The following GSR variants were observed in gnomAD, a reference collection of about 807,000 sequenced individuals.
GSR encodes glutathione-disulfide reductase.
GSR carries 48 observed loss-of-function variants against 56.5 expected under a neutral mutation model. That is an observed-to-expected ratio of 0.85 (90% confidence interval 0.67 to 1.08). The LOEUF (loss-of-function observed/expected upper bound fraction) is 1.08, where lower values mean the gene tolerates loss of function less well. Ranked by LOEUF, GSR falls within the 50% of genes least tolerant of loss-of-function variation. GSR has a pLI of 0.00. For synonymous variants in GSR, 264 were observed against 270.8 expected, an observed-to-expected ratio of 0.97 and a Z score of 0.25; for missense variants, 694 against 703.3, an observed-to-expected ratio of 0.99 and a Z score of 0.15.
Position 30,700,100 on chromosome 8 carries a change from GA to G in GSR, c.675del (p.Gln226SerfsTer34). 1 of 1,613,332 alleles carries G rather than the reference GA, an allele frequency of 6.2e-7. No homozygotes were observed. The highest frequency in any genetic ancestry group is 8.5e-7 in the Non-Finnish European group (1 of 1,179,334). ...GCTTACCCGGGCAATTCTTCCAGCT[GA>G]AAAAATCCATCGCTGGTTATTCCTA... ...ASLGITSDGF[F>X]QLEELPGRSV... On this transcript the variant is annotated frameshift_variant, in exon 6 of 13. Transcript: ENST00000221130. LOFTEE classifies it high-confidence loss of function.
chr8:30,684,179 C>CT lies in GSR; in HGVS notation c.1061dup (p.His356SerfsTer44). 6.2e-7 allele frequency: 1 copy of CT among 1,601,958 alleles called. No individual in the cohort carries two copies. Among genetic ancestry groups the CT allele is most frequent in the Non-Finnish European group, 8.6e-7 (1 of 1,168,952 alleles). ...GGAATTCGTCTACGATGATATGACC[C>CT]TTGTCATCGGTTTGAATCCCCTAAA... On this transcript the variant is annotated frameshift_variant, in exon 10 of 13. Transcript: ENST00000221130. LOFTEE classifies it high-confidence loss of function.
intron 9 of GSR, among the ~76,000 whole-genome samples, chr8:30,684,510 T>C (rs987777258): frequency 6.6e-6 from 1 of 152,112 alleles, no homozygotes; most frequent in African/African-American, 2.4e-5. Flanking sequence ...AAAAAAAAAG[T>C]TGGCAAGTTT....
intron 9 of GSR, chr8:30,687,426 A>C (rs1399827272): frequency 6.6e-6 from 1 of 151,742 alleles, no homozygotes; most frequent in Admixed American, 6.6e-5. Flanking sequence ...TGGGTGGATC[A>C]CCTGAGGTCA....
Position 30,699,448 on chromosome 8 carries a change from A to G in GSR, c.695+633T>C, listed in dbSNP as rs190261365. Reference sequence around the variant, plus strand: ...ACATGGAGAAAACCCACCTCTACTAAAAATACAAAATTAGCGGGGCGTGGT... The same window carrying G: ...ACATGGAGAAAACCCACCTCTACTAGAAATACAAAATTAGCGGGGCGTGGT... On this transcript the variant is annotated intron_variant, in intron 6 of 12. Transcript: ENST00000221130. Among the ~76,000 whole-genome samples, 876 of 151,810 alleles carry G rather than the reference A, an allele frequency of 5.8e-3. 8 individuals carry two copies. The highest frequency in any genetic ancestry group is 0.02 in the African/African-American group (826 of 41,432).
At chr8:30,715,486 G>A (rs1804301292) in intron 1 of GSR, among the ~76,000 whole-genome samples, 2 of 152,200 alleles carry the variant, frequency 1.3e-5, no homozygotes, top group Admixed American at 6.5e-5. Flanking sequence ...AAAGGAGGTC[G>A]AAACTCTGTG....
intron 1 of GSR, among the ~76,000 whole-genome samples, chr8:30,722,413 T>G (rs1164620586): frequency 6.6e-6 from 1 of 152,150 alleles, no homozygotes; most frequent in Non-Finnish European, 1.5e-5. Context: ...TGACCTCCTT[T>G]TAGTAAATTG....
chr8:30,682,668 A>G (rs572812105), intron 10 of GSR, among the ~76,000 whole-genome samples: 2 of 152,312 alleles, frequency 1.3e-5, no homozygotes, highest in Admixed American at 6.5e-5. Flanking sequence ...CTGGCAGTTA[A>G]TCTACTTAAT....
intron 1 of GSR, among the ~76,000 whole-genome samples, chr8:30,717,514 G>A (rs935837505): frequency 1.3e-5 from 2 of 152,084 alleles, no homozygotes; most frequent in African/African-American, 4.8e-5. Context: ...GCTCCCCGTC[G>A]CTAGCATTAC....
At chr8:30,697,446 C>CAAA (rs1411949076) in intron 6 of GSR, among the ~76,000 whole-genome samples, 1 of 150,870 alleles carries the variant, frequency 6.6e-6, no homozygotes, top group Admixed American at 6.6e-5. Flanking sequence ...AACAAACAAA[C>CAAA]AAACAAAAAA....
chr8:30,703,207 A>C lies in GSR; in HGVS notation c.526T>G (p.Phe176Val), dbSNP rs961590054. ...HIEIIRGHAA[F>V]TSDPKPTIEV... ...ATTGTGGGCTTGGGATCACTCGTGA[A>C]GGCTGCATGGCCACGGATGATTTCT... Residue 176 changes from phenylalanine (F) to valine (V), a missense_variant, in exon 5 of 13, where the codon TTC becomes GTC. Coordinates refer to ENST00000221130, the MANE Select transcript of GSR (RefSeq NM_000637.5). 1 of 1,614,104 alleles carries C rather than the reference A, an allele frequency of 6.2e-7. No individual in the cohort carries two copies. Among genetic ancestry groups the C allele is most frequent in the Middle Eastern group, 1.6e-4 (1 of 6,062 alleles).
chr8:30,707,681 G>T (rs1489518815), intron 4 of GSR, among the ~76,000 whole-genome samples: 1 of 151,344 alleles, frequency 6.6e-6, no homozygotes, highest in Admixed American at 6.6e-5. Flanking sequence ...AGGGCCGGGT[G>T]CAGTGGCTCA....
At chr8:30,711,028 T>C (rs1181653443) in intron 2 of GSR, among the ~76,000 whole-genome samples, 2 of 152,040 alleles carry the variant, frequency 1.3e-5, no homozygotes, top group East Asian at 1.9e-4. Flanking sequence ...ACAAAAAGTA[T>C]GACTAATAGG....
At chr8:30,685,985 CAAAAAAAAAAAAAAAA>C (rs71206274) in intron 9 of GSR, among the ~76,000 whole-genome samples, 2 of 37,234 alleles carry the variant, frequency 5.4e-5, no homozygotes, top group Admixed American at 3.4e-4. Flanking sequence ...GACTCTGCCT[CAAAAAAAAAAAAAAAA>C]AAAAAAAAAA....
intron 4 of GSR, chr8:30,704,604 C>T (rs3757918): frequency 0.43 from 65,658 of 152,088 alleles, 17,066 homozygotes; most frequent in Non-Finnish European, 0.56. Context: ...ACGCTTTCGC[C>T]AGCCATGATA....
At chr8:30,702,213 G>C (rs866361034) in intron 5 of GSR, among the ~76,000 whole-genome samples, 1 of 151,322 alleles carries the variant, frequency 6.6e-6, no homozygotes, top group African/African-American at 2.4e-5. Context: ...CCAGCTACTC[G>C]GGAGTCTGAG....
At position 30,696,472 on chromosome 8, in the gene GSR, C is replaced by T. The variant is rs756475234; in HGVS notation, c.703G>A (p.Val235Ile). 24 of 1,609,854 alleles carry T rather than the reference C, an allele frequency of 1.5e-5. No individual in the cohort carries two copies. In the Middle Eastern group the frequency reaches 4.9e-4, roughly 33 times the overall value. The change falls in exon 7 of 13, where the codon GTC (valine) becomes ATC (isoleucine). Residue 235 changes from valine to isoleucine, a missense_variant. By Grantham distance (29) the Val-to-Ile change is conservative (BLOSUM62 3). Coordinates refer to ENST00000221130, the MANE Select transcript of GSR (RefSeq NM_000637.5). ...GCAATGTAACCTGCACCAACAATGA[C>T]GCTGCGGCTGAGACGCGAGCAGAGG... The part of the protein sequence containing the change: ...FQLEELPGRS[V>I]IVGAGYIAVE...
chr8:30,713,510 C>T (rs187267285), intron 1 of GSR, among the ~76,000 whole-genome samples: 1 of 152,000 alleles, frequency 6.6e-6, no homozygotes, highest in Non-Finnish European at 1.5e-5. Context: ...AGGCGCCTGC[C>T]ATCCTGCCTG....
rs761527456 is a variant in GSR, at chr8:30,727,840, G to A, written c.-5C>T. ...GGCTCGGGGCAGCAGGGCCATGCAC[G>A]CGGAAGTGGCGCGCCAAGTGGGGCG... On this transcript the variant is annotated 5_prime_UTR_variant, in exon 1 of 13. Coordinates refer to ENST00000221130, the MANE Select transcript of GSR (RefSeq NM_000637.5). 6.6e-5 allele frequency: 80 copies of A among 1,204,508 alleles called. No homozygotes were observed. The African/African-American group carries it at 9.7e-4, about 15-fold the overall frequency. 74.6% of individuals were successfully genotyped at this position (1,204,508 alleles called of 1,614,324 possible). A position where few individuals can be genotyped will look rare whatever the true frequency, so the allele number is the denominator to read the frequency against.
intron 3 of GSR, among the ~76,000 whole-genome samples, chr8:30,708,494 G>A (rs914940129): frequency 6.6e-6 from 1 of 152,178 alleles, no homozygotes; most frequent in Non-Finnish European, 1.5e-5. Context: ...CTTCAAAACT[G>A]TTAATGGCTT....
Sources: gnomAD v4.1 joint callset for allele counts (sites outside exome capture counted in the v4.1 genomes callset) on GRCh38, gnomAD v4.1.1 for gene constraint, MANE v1.5 for transcripts, NCBI Gene and HGNC (gene_info 2026-07-23, HGNC 2026-07-21) for gene names.